The following NRXN1 variants were observed in gnomAD, a reference collection of about 807,000 sequenced individuals.
NRXN1 encodes the protein neurexin-1.
Under a neutral mutation model 150.9 loss-of-function variants are expected in NRXN1, and 39 were observed. The observed-to-expected ratio is 0.26, with a 90% confidence interval of 0.20 to 0.34. The LOEUF (loss-of-function observed/expected upper bound fraction) is 0.34. NRXN1 is among the 10% of genes least tolerant of loss of function. The pLI, the probability that NRXN1 is intolerant of heterozygous loss-of-function variation, is 1.00. For missense variants in NRXN1, 1,815 were observed against 1,949.9 expected, an observed-to-expected ratio of 0.93 and a Z score of 1.30; for synonymous variants, 924 against 757.0, an observed-to-expected ratio of 1.22 and a Z score of -3.62.
chr2:50,657,980 G>C (rs1269001755), intron 5 of NRXN1, among the ~76,000 whole-genome samples: 2 of 151,994 alleles, frequency 1.3e-5, no homozygotes, highest in East Asian at 3.9e-4. Context: ...CAAGTAGACA[G>C]AAGTCTTTCT....
At position 50,497,675 on chromosome 2, in the gene NRXN1, T is replaced by G. The variant is rs797045797; in HGVS notation, c.2537A>C (p.Asn846Thr). Reference protein sequence around the residue: ...AGDHTRLEFHNIETGIITERR... With the variant: ...AGDHTRLEFHTIETGIITERR... Reference sequence around the variant, plus strand: ...TTCTGTGATGATGCCAGTCTCTATGTTATGGAACTCCAGCCTAGTATGATC... The same window carrying G: ...TTCTGTGATGATGCCAGTCTCTATGGTATGGAACTCCAGCCTAGTATGATC... Residue 846 changes from asparagine (N) to threonine (T), a missense_variant, in exon 14 of 23, where the codon AAC becomes ACC. Physicochemically the swap from Asn to Thr is moderately conservative, Grantham distance 65. This residue lies in a region of NRXN1 where 638 missense variants were observed against 652.6 expected (regional missense o/e 0.98). Transcript: ENST00000401669. 6.2e-7 allele frequency: 1 copy of G among 1,613,744 alleles called. No individual in the cohort carries two copies.
intron 8 of NRXN1, among the ~76,000 whole-genome samples, chr2:50,562,448 A>G (rs1230849713): frequency 6.6e-6 from 1 of 152,072 alleles, no homozygotes; most frequent in Admixed American, 6.6e-5. Context: ...TCACTATTTT[A>G]ATATATTATT....
intron 12 of NRXN1, among the ~76,000 whole-genome samples, chr2:50,517,769 CTGAG>C (rs2092671643): frequency 6.6e-6 from 1 of 152,068 alleles, no homozygotes; most frequent in Non-Finnish European, 1.5e-5. Flanking sequence ...TCAAAACTTA[CTGAG>C]TATTTAATTA....
chr2:50,109,330 TGTAATTCTATTTTATTTTCA>T (rs1017790473), intron 18 of NRXN1, among the ~76,000 whole-genome samples: 6 of 152,206 alleles, frequency 3.9e-5, no homozygotes, highest in Non-Finnish European at 7.4e-5. Context: ...TTTCTGGTTC[TGTAATTCTATTTTATTTTCA>T]GTTGCCTTCT....
chr2:50,749,536 C>G (rs953167262), intron 5 of NRXN1, among the ~76,000 whole-genome samples: 6 of 151,906 alleles, frequency 3.9e-5, no homozygotes, highest in Non-Finnish European at 2.9e-5. Flanking sequence ...AATAGAGGCT[C>G]AGAATAAAGA....
intron 5 of NRXN1, among the ~76,000 whole-genome samples, chr2:50,882,158 A>G (rs1454502830): frequency 6.6e-6 from 1 of 151,928 alleles, no homozygotes; most frequent in Non-Finnish European, 1.5e-5. Flanking sequence ...GAATTAGGTT[A>G]CATTGCCTAA....
intron 21 of NRXN1, among the ~76,000 whole-genome samples, chr2:50,027,375 T>TTCCC: frequency 1.0e-5 from 1 of 96,282 alleles, no homozygotes; most frequent in Non-Finnish European, 2.2e-5. Flanking sequence ...GCTTCCTTCC[T>TTCCC]TCCTTCCTCC....
intron 18 of NRXN1, among the ~76,000 whole-genome samples, chr2:50,092,406 C>T (rs1054668334): frequency 1.3e-5 from 2 of 152,172 alleles, no homozygotes; most frequent in Non-Finnish European, 2.9e-5. Flanking sequence ...TGGATTTGTC[C>T]TTAATCAGTT....
At chr2:50,906,797 T>G (rs1683751157) in intron 5 of NRXN1, among the ~76,000 whole-genome samples, 4 of 152,076 alleles carry the variant, frequency 2.6e-5, no homozygotes, top group Admixed American at 2.6e-4. Flanking sequence ...GGCACCACAA[T>G]GATGTATAAA....
At chr2:50,839,356 A>C (rs748677347) in intron 5 of NRXN1, among the ~76,000 whole-genome samples, 3 of 152,168 alleles carry the variant, frequency 2.0e-5, no homozygotes, top group Non-Finnish European at 2.9e-5. Flanking sequence ...AACAAAAACT[A>C]TGAGGAAAAG....
At chr2:50,511,023 A>C (rs1055245082) in intron 12 of NRXN1, among the ~76,000 whole-genome samples, 1 of 152,052 alleles carries the variant, frequency 6.6e-6, no homozygotes, top group Non-Finnish European at 1.5e-5. Context: ...TTAAATTAAG[A>C]AGCATAGGTC....
At chr2:50,591,978 C>G (rs1292895119) in intron 8 of NRXN1, among the ~76,000 whole-genome samples, 1 of 152,150 alleles carries the variant, frequency 6.6e-6, no homozygotes, top group Non-Finnish European at 1.5e-5. Flanking sequence ...AAGCAAGCCT[C>G]AAATCCGTTC....
intron 5 of NRXN1, among the ~76,000 whole-genome samples, chr2:50,730,558 C>T (rs1414993731): frequency 2.6e-5 from 4 of 152,064 alleles, no homozygotes; most frequent in South Asian, 4.1e-4. Flanking sequence ...CAAAGACTCC[C>T]TACATCTCTC....
intron 18 of NRXN1, among the ~76,000 whole-genome samples, chr2:50,172,215 T>C (rs534587872): frequency 3.3e-5 from 5 of 152,306 alleles, no homozygotes; most frequent in East Asian, 1.9e-4. Context: ...GTCTTATGCT[T>C]GACTAATTTG....
intron 17 of NRXN1, among the ~76,000 whole-genome samples, chr2:50,290,452 A>T (rs1275728423): frequency 6.6e-6 from 1 of 152,202 alleles, no homozygotes; most frequent in Admixed American, 6.5e-5. Flanking sequence ...CCTTGATACA[A>T]GTCATAGGCA....
intron 21 of NRXN1, among the ~76,000 whole-genome samples, chr2:50,030,849 T>A (rs192305077): frequency 6.6e-6 from 1 of 152,112 alleles, no homozygotes; most frequent in East Asian, 1.9e-4. Context: ...TAATATATAT[T>A]ATTTCAACAG....
rs1223525786 is a variant in NRXN1, at chr2:50,963,964, A to C, written c.773-38009T>G. The stretch of plus-strand genomic sequence containing the variant: ...AGTTTAATTTGAGCTCAAATAATAC[A>C]AACATATGTCATTGTCCTTCTCTTT... On this transcript the variant is annotated intron_variant, in intron 2 of 22. Coordinates refer to ENST00000401669, the MANE Select transcript of NRXN1 (RefSeq NM_001330078.2). The C allele has an allele frequency of 6.8e-6, 3 of 441,176 alleles. No individual in the cohort carries two copies. The East Asian group carries it at 2.1e-4, about 31-fold the overall frequency. The allele number at this position is 441,176 out of a possible 1,614,324, so 27.3% of individuals were successfully genotyped here.
chr2:50,585,071 C>CCA (rs1333138907), intron 8 of NRXN1, among the ~76,000 whole-genome samples: 3 of 152,064 alleles, frequency 2.0e-5, no homozygotes, highest in African/African-American at 7.2e-5. Flanking sequence ...CACCCTCTTC[C>CCA]CACAGATCCT....
chr2:50,954,518 C>T (rs556393657), intron 2 of NRXN1, among the ~76,000 whole-genome samples: 17 of 152,292 alleles, frequency 1.1e-4, no homozygotes, highest in Admixed American at 4.6e-4. Context: ...TAGACAGACT[C>T]ACTTGAAGGG....
Sources: gnomAD v4.1 joint callset for allele counts (sites outside exome capture counted in the v4.1 genomes callset) on GRCh38, gnomAD v4.1.1 for gene constraint, gnomAD v4.1.1 regional missense constraint, MANE v1.5 for transcripts, NCBI Gene and HGNC (gene_info 2026-07-23, HGNC 2026-07-21) for gene names.